Variants in TGFBI observed in about 807,000 individuals in gnomAD.
TGFBI encodes the protein transforming growth factor beta induced, also known as transforming growth factor-beta-induced protein ig-h3.
Under a neutral mutation model 73.7 loss-of-function variants are expected in TGFBI, and 50 were observed. The observed-to-expected ratio is 0.68, with a 90% CI of 0.54 to 0.86. TGFBI has a LOEUF of 0.86. TGFBI is among the 40% of genes least tolerant of loss of function. TGFBI has a pLI of 0.00. For missense variants in TGFBI, 839 were observed against 877.0 expected (o/e 0.96, Z 0.55); for synonymous variants, 362 against 360.5 (o/e 1.00, Z -0.05).
At position 136,061,577 on chromosome 5, in the gene TGFBI, A is replaced by G; in HGVS notation, c.1984A>G (p.Arg662Gly). Residue 662 changes from arginine (R) to glycine (G), a missense_variant and splice_region_variant, in exon 15 of 17, where the codon AGG (arginine) becomes GGG (glycine). By Grantham distance (125) the Arg-to-Gly change is moderately radical. Coordinates refer to ENST00000442011, the MANE Select transcript of TGFBI (RefSeq NM_000358.3). Reference protein sequence around the residue: ...EIFKQASAFSRASQRSVRLAP... With the variant: ...EIFKQASAFSGASQRSVRLAP... ...CTTCAAACAAGCATCAGCGTTTTCC[A>G]GGGTAAGATGCCTGCTAGGTTTGCG... 6.2e-7 allele frequency: 1 copy of G among 1,613,332 alleles called. No homozygotes were observed. Among genetic ancestry groups the G allele is most frequent in the Non-Finnish European group, 8.5e-7 (1 of 1,179,550 alleles).
intron 3 of TGFBI, among the ~76,000 whole-genome samples, chr5:136,045,204 G>A (rs922820512): frequency 2.6e-5 from 4 of 152,076 alleles, no homozygotes; most frequent in South Asian, 4.2e-4. Context: ...CCAAGAATTC[G>A]AGACCAGCAG....
chr5:136,049,599 C>T lies in TGFBI; in HGVS notation c.913+19C>T. ...CTGAGAGGTGAGCATCCTTTGGCTC[C>T]TGCTGCTGCCTCATTTGTGCAGCTA... On this transcript the variant is annotated intron_variant, in intron 7 of 16. Coordinates refer to ENST00000442011, the MANE Select transcript of TGFBI (RefSeq NM_000358.3). 1 of 1,608,172 alleles carries T rather than the reference C, an allele frequency of 6.2e-7. No individual in the cohort carries two copies. The highest frequency in any genetic ancestry group is 8.5e-7 in the Non-Finnish European group (1 of 1,177,040).
intron 2 of TGFBI, among the ~76,000 whole-genome samples, chr5:136,038,442 C>G (rs947274901): frequency 6.6e-6 from 1 of 152,130 alleles, no homozygotes; most frequent in Non-Finnish European, 1.5e-5. Context: ...GCAGGCTGTG[C>G]CTGGTGGTTC....
At chr5:136,061,188 G>A in intron 14 of TGFBI, 1 of 578,870 alleles carries the variant, frequency 1.7e-6, no homozygotes. Context: ...ACACAGCCCA[G>A]TTTTCTGTAT....
At chr5:136,053,818 T>G in intron 8 of TGFBI, 125 bp from the exon 9 acceptor site, 1 of 1,371,928 alleles carries the variant, frequency 7.3e-7, no homozygotes, top group Non-Finnish European at 1.0e-6. Flanking sequence ...GCCCCAGCAG[T>G]GTTTAGAGGG....
At chr5:136,059,556 C>A (rs796149551) in intron 13 of TGFBI, among the ~76,000 whole-genome samples, 1 of 152,190 alleles carries the variant, frequency 6.6e-6, no homozygotes, top group Admixed American at 6.5e-5. Context: ...ATCCCACCCC[C>A]CAAACCCAGG....
intron 3 of TGFBI, among the ~76,000 whole-genome samples, chr5:136,045,105 A>G (rs570545089): frequency 1.2e-4 from 18 of 152,208 alleles, no homozygotes; most frequent in Non-Finnish European, 2.1e-4. Flanking sequence ...CTATTTTTTT[A>G]GTTAAGAATG....
At chr5:136,058,945 T>G (rs1302852365) in intron 12 of TGFBI, 145 bp from the exon 13 acceptor site, 1 of 986,782 alleles carries the variant, frequency 1.0e-6, no homozygotes, top group Non-Finnish European at 1.5e-6. Context: ...GAGTATACAG[T>G]GGGAGCTTAA....
At chr5:136,054,641 CT>C (rs1751593663) in intron 9 of TGFBI, 74 bp from the exon 10 acceptor site, 6 of 1,597,204 alleles carry the variant, frequency 3.8e-6, no homozygotes, top group African/African-American at 2.7e-5. Context: ...GGCTTTTTCA[CT>C]GTATTTATCT....
At chr5:136,044,016 G>T (rs1266190513) in intron 2 of TGFBI, 42 bp from the exon 3 acceptor site, 3 of 1,577,642 alleles carry the variant, frequency 1.9e-6, no homozygotes, top group Non-Finnish European at 2.6e-6. Flanking sequence ...GTGAGGAACA[G>T]TGAAGCCCTG....
chr5:136,041,100 G>A (rs571162956), intron 2 of TGFBI, among the ~76,000 whole-genome samples: 64 of 152,352 alleles, frequency 4.2e-4, no homozygotes, highest in Non-Finnish European at 7.9e-4. Context: ...GCAGTTGGAG[G>A]CAGGTGGACT....
chr5:136,056,249 C>G (rs1751629773), intron 11 of TGFBI, among the ~76,000 whole-genome samples: 1 of 152,196 alleles, frequency 6.6e-6, no homozygotes, highest in African/African-American at 2.4e-5. Flanking sequence ...CTGACTTGCT[C>G]ATTCACCTTG....
intron 1 of TGFBI, 137 bp downstream of exon 1, chr5:136,029,326 T>G: frequency 9.7e-7 from 1 of 1,035,062 alleles, no homozygotes; most frequent in Non-Finnish European, 1.3e-6. Flanking sequence ...CATGGAGCGC[T>G]CGGACACCAG....
chr5:136,062,051 G>A (rs552377630), intron 15 of TGFBI, among the ~76,000 whole-genome samples: 1 of 152,272 alleles, frequency 6.6e-6, no homozygotes, highest in East Asian at 1.9e-4. Context: ...CGCTATGTGT[G>A]TGGAGCCATC....
rs756377536 is a variant in TGFBI, at chr5:136,046,987, A to G, written c.596A>G (p.Asn199Ser). ...CTCACCTCTATGTACCAGAATTCCA[A>G]CATCCAGATCCACCACTATCCTAAT... is the stretch of plus-strand genomic sequence containing the variant. ...MTLTSMYQNSNIQIHHYPNGI... is the reference protein window; with the variant it reads ...MTLTSMYQNSSIQIHHYPNGI... The change falls in exon 5 of 17, where the codon AAC becomes AGC. Residue 199 changes from asparagine to serine, a missense_variant. Asn to Ser is a conservative substitution (Grantham distance 46). Transcript: ENST00000442011. The G allele has an allele frequency of 6.2e-7, 1 of 1,613,186 alleles. No individual in the cohort carries two copies. Among genetic ancestry groups the G allele is most frequent in the Non-Finnish European group, 8.5e-7 (1 of 1,179,840 alleles).
At position 136,056,290 on chromosome 5, in the gene TGFBI, A is replaced by G. The variant is rs1454300832; in HGVS notation, c.1548-375A>G. 7.2e-5 allele frequency among the ~76,000 whole-genome samples: 11 copies of G among 152,214 alleles called. 1 individual carries two copies. The Middle Eastern group carries it at 0.017, about 235-fold the overall frequency. ...CTGTCATATTGAATGTTTCCCTGTC[A>G]CTGACTTCAGCCACCTGCACAAGGG... On this transcript the variant is annotated intron_variant, in intron 11 of 16. Transcript: ENST00000442011.
chr5:136,033,549 A>C (rs1378508148), intron 1 of TGFBI, among the ~76,000 whole-genome samples: 1 of 152,158 alleles, frequency 6.6e-6, no homozygotes. Context: ...GATTTTAACA[A>C]TTTTTGCAGG....
chr5:136,051,909 T>C (rs1751543474), intron 7 of TGFBI, among the ~76,000 whole-genome samples: 1 of 152,254 alleles, frequency 6.6e-6, no homozygotes, highest in African/African-American at 2.4e-5. Context: ...AGCAGCCCCA[T>C]GCCTTGCAGG....
At chr5:136,038,540 C>G (rs958437535) in intron 2 of TGFBI, among the ~76,000 whole-genome samples, 3 of 151,716 alleles carry the variant, frequency 2.0e-5, no homozygotes, top group African/African-American at 7.3e-5. Flanking sequence ...CATGGTGAAA[C>G]TCCCCCTCTA....
Sources: allele counts gnomAD v4.1 joint callset (sites outside exome capture counted in the v4.1 genomes callset), GRCh38; gene constraint gnomAD v4.1.1; transcripts MANE v1.5; gene names NCBI Gene and HGNC (gene_info 2026-07-23, HGNC 2026-07-21).